The following PIK3C2G variants were observed in gnomAD, a reference collection of about 807,000 sequenced individuals.
PIK3C2G encodes phosphatidylinositol 3-kinase C2 domain-containing subunit gamma.
Under a neutral mutation model 181.1 loss-of-function variants are expected in PIK3C2G, and 168 were observed. The observed-to-expected ratio is 0.93, with a 90% CI of 0.82 to 1.05. The LOEUF is 1.05. Among genes scored for constraint, PIK3C2G ranks in the 50% least tolerant of loss-of-function variants. The pLI, the probability that PIK3C2G is intolerant of heterozygous loss-of-function variation, is 0.00. For synonymous variants in PIK3C2G, 573 were observed against 592.2 expected, an observed-to-expected ratio of 0.97 and a Z score of 0.47; for missense variants, 1,869 against 1,732.8, an observed-to-expected ratio of 1.08 and a Z score of -1.40.
intron 31 of PIK3C2G, among the ~76,000 whole-genome samples, chr12:18,634,413 T>A (rs1199834142): frequency 6.6e-6 from 1 of 152,200 alleles, no homozygotes; most frequent in Non-Finnish European, 1.5e-5. Flanking sequence ...GGATAAGGCA[T>A]TCTACAAGTC....
chr12:18,726,285 C>A, the PIK3C2G span, among the ~76,000 whole-genome samples: 14 of 152,150 alleles, frequency 9.2e-5, no homozygotes, highest in Non-Finnish European at 1.6e-4. Context: ...AATCATTAAA[C>A]ATACAACATA....
At chr12:18,480,171 A>G (rs1565432585) in intron 18 of PIK3C2G, among the ~76,000 whole-genome samples, 1 of 152,180 alleles carries the variant, frequency 6.6e-6, no homozygotes, top group Non-Finnish European at 1.5e-5. Context: ...TGTGTCTTCC[A>G]AAGTGTGCCC....
At chr12:18,367,517 T>C (rs1041416493) in intron 12 of PIK3C2G, among the ~76,000 whole-genome samples, 3 of 152,302 alleles carry the variant, frequency 2.0e-5, no homozygotes, top group African/African-American at 4.8e-5. Flanking sequence ...GTCATAAAGA[T>C]ACTACAAGAG....
rs531050593 is a variant in PIK3C2G at position 18,332,487 on chromosome 12, C to T, written c.1273-5939C>T. On this transcript the variant is annotated intron_variant, in intron 8 of 32. Transcript: ENST00000538779. Reference sequence around the variant, plus strand: ...TCCTCCACATGGCGGCCAAACTCTGCCTTATATCTGTGTCGTTCACAGTAA... The same window carrying T: ...TCCTCCACATGGCGGCCAAACTCTGTCTTATATCTGTGTCGTTCACAGTAA... Among the ~76,000 whole-genome samples the T allele has an allele frequency of 5.3e-5, 8 of 152,102 alleles. No individual in the cohort carries two copies. In the East Asian group the frequency reaches 1.5e-3, roughly 29 times the overall value.
At chr12:18,370,827 A>G (rs993060794) in intron 12 of PIK3C2G, among the ~76,000 whole-genome samples, 13 of 152,068 alleles carry the variant, frequency 8.5e-5, no homozygotes, top group Non-Finnish European at 1.6e-4. Context: ...CTTGAGAATC[A>G]TTTTGAGTTA....
chr12:18,637,008 A>G (rs953896862), intron 31 of PIK3C2G, among the ~76,000 whole-genome samples: 3 of 152,146 alleles, frequency 2.0e-5, no homozygotes, highest in Non-Finnish European at 4.4e-5. Flanking sequence ...GAGAATCCAC[A>G]GGGCCCACTG....
intron 29 of PIK3C2G, among the ~76,000 whole-genome samples, chr12:18,569,704 T>C (rs991872138): frequency 6.6e-6 from 1 of 152,190 alleles, no homozygotes; most frequent in Non-Finnish European, 1.5e-5. Context: ...TGTTCTCTCA[T>C]TTGCAATAAA....
At chr12:18,298,401 G>GTTTTT (rs773786563) in intron 5 of PIK3C2G, among the ~76,000 whole-genome samples, 1 of 108,974 alleles carries the variant, frequency 9.2e-6, no homozygotes, top group African/African-American at 3.2e-5. Context: ...TAGTTTGTGT[G>GTTTTT]TTTTTTCTTT....
Position 18,552,404 on chromosome 12 carries a change from A to AT in PIK3C2G, c.3590+5980dup, listed in dbSNP as rs895310370. 1.4e-4 allele frequency among the ~76,000 whole-genome samples: 21 copies of AT among 151,878 alleles called. No homozygotes were observed. In the East Asian group the frequency reaches 1.6e-3, roughly 11 times the overall value. ...TATACTTTTATCATTAAATTTTCTT[A>AT]TTTTTTTTACTGTGATGCGAACTGT... On this transcript the variant is annotated intron_variant, in intron 26 of 32. Coordinates refer to ENST00000538779, the MANE Select transcript of PIK3C2G (RefSeq NM_001288772.2).
chr12:18,257,620 A>G (rs10743268), upstream of PIK3C2G, among the ~76,000 whole-genome samples: 67,496 of 150,778 alleles, frequency 0.45, 15,499 homozygotes, highest in East Asian at 0.74. Flanking sequence ...CCTTGCCAGT[A>G]CACGAGAGGG....
In PIK3C2G at chr12:18,346,711, C is replaced by A; in HGVS notation, c.1500C>A (p.Ser500Arg). 6.2e-7 allele frequency: 1 copy of A among 1,613,192 alleles called. No homozygotes were observed. Among genetic ancestry groups the A allele is most frequent in the Non-Finnish European group, 8.5e-7 (1 of 1,179,284 alleles). ...IYQLINVYCNSFYADFQPVNV... is the reference protein window; with the variant it reads ...IYQLINVYCNRFYADFQPVNV... ...AGCTAATCAATGTCTACTGTAACAG[C>A]TTTTATGCAGATTTTCAGCCTGTAA... The change falls in exon 11 of 33, where the codon AGC becomes AGA. Residue 500 changes from serine (S) to arginine (R), a missense_variant. Ser to Arg is a moderately radical substitution (Grantham distance 110, BLOSUM62 -1). Transcript: ENST00000538779.
intron 17 of PIK3C2G, 48 bp downstream of exon 17, chr12:18,421,082 T>A (rs1245370880): frequency 9.7e-7 from 1 of 1,026,010 alleles, no homozygotes; most frequent in Middle Eastern, 2.1e-4. Context: ...TAACTAATTA[T>A]CTCTAAAAGG....
chr12:18,669,466 G>A, the PIK3C2G span, among the ~76,000 whole-genome samples: 1 of 152,124 alleles, frequency 6.6e-6, no homozygotes, highest in Middle Eastern at 3.2e-3. Context: ...CTGTCTTAAT[G>A]TGAACTGCTA....
intron 6 of PIK3C2G, among the ~76,000 whole-genome samples, chr12:18,317,011 CTT>C (rs756099726): frequency 6.7e-4 from 78 of 117,172 alleles, no homozygotes; most frequent in Admixed American, 1.1e-3. Flanking sequence ...AGTCTTGATT[CTT>C]TTTTTTTTTT....
chr12:18,494,052 A>G (rs1463095753), intron 20 of PIK3C2G, among the ~76,000 whole-genome samples: 1 of 152,170 alleles, frequency 6.6e-6, no homozygotes, highest in Non-Finnish European at 1.5e-5. Context: ...TAATTTTTAG[A>G]TATCTGTCAT....
At chr12:18,347,692 T>C (rs756787845) in intron 11 of PIK3C2G, among the ~76,000 whole-genome samples, 1 of 151,964 alleles carries the variant, frequency 6.6e-6, no homozygotes, top group Non-Finnish European at 1.5e-5. Context: ...GTGCCTGTAA[T>C]CCCAGCTACT....
At position 18,503,184 on chromosome 12, in the gene PIK3C2G, A is replaced by C; in HGVS notation, c.3017-97A>C. ...AGAAGATTTGAAAAGGAAAGGGGTA[A>C]TCCAGTAGTGCTGGAAGCTATTGTT... is the stretch of plus-strand genomic sequence containing the variant. On this transcript the variant is annotated intron_variant, in intron 22 of 32. Transcript: ENST00000538779. The C allele has an allele frequency of 6.2e-6, 5 of 805,736 alleles. No individual in the cohort carries two copies. The Middle Eastern group carries it at 9.7e-4, about 157-fold the overall frequency. The allele number at this position is 805,736 out of a possible 1,614,324, so 49.9% of individuals were successfully genotyped here. A position where few individuals can be genotyped will look rare whatever the true frequency, so the allele number is the denominator to read the frequency against.
At chr12:18,656,541 G>A in the PIK3C2G span, among the ~76,000 whole-genome samples, 1 of 152,144 alleles carries the variant, frequency 6.6e-6, no homozygotes. Context: ...CTCCAGCCTG[G>A]GCGACAGAGC....
chr12:18,432,431 A>G (rs1946214170), intron 18 of PIK3C2G, among the ~76,000 whole-genome samples: 1 of 152,216 alleles, frequency 6.6e-6, no homozygotes, highest in Non-Finnish European at 1.5e-5. Context: ...ATTTTTCATT[A>G]TAATAACCAC....
Sources: allele counts gnomAD v4.1 joint callset (sites outside exome capture counted in the v4.1 genomes callset), GRCh38; gene constraint gnomAD v4.1.1; transcripts MANE v1.5; gene names NCBI Gene and HGNC (gene_info 2026-07-23, HGNC 2026-07-21).